Variants in NAV2 observed in about 807,000 individuals in gnomAD.
The protein encoded by NAV2 is helicase, APC down-regulated 1.
In NAV2, 54 loss-of-function variants were observed where a neutral mutation model predicts 223.2. That is an observed-to-expected ratio of 0.24 (90% CI 0.19 to 0.30). NAV2 has a LOEUF of 0.30. Among genes scored for constraint, NAV2 ranks in the 10% least tolerant of loss-of-function variants. The pLI is 1.00. For missense variants in NAV2, 2,806 were observed against 3,147.5 expected (o/e 0.89, Z 2.60); for synonymous variants, 1,279 against 1,239.3 (o/e 1.03, Z -0.67).
intron 1 of NAV2, among the ~76,000 whole-genome samples, chr11:19,473,273 G>T (rs982348361): frequency 6.6e-6 from 1 of 152,002 alleles, no homozygotes; most frequent in Admixed American, 6.6e-5. Context: ...CTTGAAGATA[G>T]GTCAGACATA....
In NAV2 at chr11:20,048,758, G is replaced by A; in HGVS notation, c.3933G>A (p.Val1311=). The change falls in exon 15 of 38, where the codon GTG becomes GTA. Residue 1311 remains valine (V), a synonymous_variant. Transcript: ENST00000349880. The part of the protein sequence containing the change: ...RLFGGKPTKQ[V]PIATAENMKN... ...TTGGTGGGAAGCCTACCAAGCAAGT[G>A]CCCATCGCCACAGCTGAAAACATGA... 1 of 1,614,068 alleles carries A rather than the reference G, an allele frequency of 6.2e-7. No homozygotes were observed.
intron 12 of NAV2, among the ~76,000 whole-genome samples, chr11:20,037,871 T>A (rs1396966319): frequency 6.6e-6 from 1 of 151,974 alleles, no homozygotes; most frequent in Non-Finnish European, 1.5e-5. Context: ...TCATTGTATA[T>A]TCAAGATAAG....
At chr11:19,833,402 G>C (rs1489044945) in intron 2 of NAV2, among the ~76,000 whole-genome samples, 61 of 152,222 alleles carry the variant, frequency 4.0e-4, no homozygotes, top group Admixed American at 4.0e-3. Context: ...TTCATAGTTG[G>C]AGCTCTGCTC....
chr11:19,838,306 A>G (rs763360074), intron 2 of NAV2, among the ~76,000 whole-genome samples: 1 of 152,132 alleles, frequency 6.6e-6, no homozygotes. Flanking sequence ...GACCCGACCT[A>G]TGATGGAGTG....
chr11:19,392,025 C>T (rs1227564171), intron 1 of NAV2, among the ~76,000 whole-genome samples: 1 of 152,116 alleles, frequency 6.6e-6, no homozygotes. Context: ...CATTAAACTC[C>T]TGACTAGAAG....
intron 1 of NAV2, among the ~76,000 whole-genome samples, chr11:19,797,577 C>A (rs1176878416): frequency 6.6e-6 from 1 of 152,014 alleles, no homozygotes; most frequent in Non-Finnish European, 1.5e-5. Context: ...ACCTTCTGAC[C>A]AGAGATACTC....
At chr11:19,881,439 G>A (rs1281188105) in intron 5 of NAV2, among the ~76,000 whole-genome samples, 10 of 152,106 alleles carry the variant, frequency 6.6e-5, no homozygotes, top group South Asian at 2.1e-4. Context: ...TGATCAGGGT[G>A]TCATTTCCCA....
intron 1 of NAV2, among the ~76,000 whole-genome samples, chr11:19,496,331 C>T (rs1415897225): frequency 3.9e-5 from 6 of 152,182 alleles, no homozygotes; most frequent in Admixed American, 1.3e-4. Context: ...AGCTTAGCTG[C>T]GTGGTTCCAG....
chr11:20,103,349 A>G lies in NAV2; in HGVS notation c.6512A>G (p.His2171Arg). The change falls in exon 33 of 38, where the codon CAC (histidine) becomes CGC (arginine). Residue 2171 changes from histidine to arginine, a missense_variant. His to Arg is a conservative substitution (Grantham distance 29). Transcript: ENST00000349880. ...MPLVIILDNL[H>R]HVSSLGEIFN... Reference sequence around the variant, plus strand: ...CTCGTCATCATCCTGGACAACCTACACCACGTGAGCTCTCTGGGAGAGATC... The same window carrying G: ...CTCGTCATCATCCTGGACAACCTACGCCACGTGAGCTCTCTGGGAGAGATC... 1 of 1,614,070 alleles carries G rather than the reference A, an allele frequency of 6.2e-7. No individual in the cohort carries two copies. The highest frequency in any genetic ancestry group is 1.1e-5 in the South Asian group (1 of 91,074).
intron 1 of NAV2, among the ~76,000 whole-genome samples, chr11:19,811,129 G>C (rs139753185): frequency 6.6e-6 from 1 of 152,232 alleles, no homozygotes; most frequent in Non-Finnish European, 1.5e-5. Context: ...CTAAACGGCT[G>C]TCTAGTTGCT....
At chr11:19,394,727 T>G in intron 1 of NAV2, among the ~76,000 whole-genome samples, 1 of 151,804 alleles carries the variant, frequency 6.6e-6, no homozygotes, top group South Asian at 2.1e-4. Context: ...GAGAGAAGAG[T>G]ATCTCAGGCA....
At chr11:19,793,030 G>A (rs1284749778) in intron 1 of NAV2, among the ~76,000 whole-genome samples, 9 of 151,766 alleles carry the variant, frequency 5.9e-5, no homozygotes, top group East Asian at 1.9e-4. Context: ...CCAACATGGC[G>A]AAACCCTGTC....
At chr11:19,492,333 A>T (rs2200569) in intron 1 of NAV2, among the ~76,000 whole-genome samples, 72,335 of 151,866 alleles carry the variant, frequency 0.48, 17,921 homozygotes, top group Admixed American at 0.55. Flanking sequence ...ACCCACAATG[A>T]AACAAGGTAT....
chr11:19,777,934 T>C (rs183007417), intron 1 of NAV2: 2 of 455,904 alleles, frequency 4.4e-6, no homozygotes, highest in East Asian at 1.4e-4. Flanking sequence ...ACATGGCTAT[T>C]GATCTCTACT....
intron 1 of NAV2, among the ~76,000 whole-genome samples, chr11:19,681,319 G>A (rs10741791): frequency 0.42 from 64,106 of 152,030 alleles, 16,272 homozygotes; most frequent in East Asian, 0.62. Flanking sequence ...TAATTTCACC[G>A]CAGTTATAAA....
chr11:19,361,336 T>C (rs910941982), intron 1 of NAV2, among the ~76,000 whole-genome samples: 1 of 152,032 alleles, frequency 6.6e-6, no homozygotes, highest in African/African-American at 2.4e-5. Context: ...CACTTTACAG[T>C]GGACTTGGGT....
At chr11:19,745,978 C>G (rs2053301371) in intron 1 of NAV2, among the ~76,000 whole-genome samples, 1 of 152,216 alleles carries the variant, frequency 6.6e-6, no homozygotes, top group Admixed American at 6.5e-5. Context: ...CTAACAACTG[C>G]AGAATCCTGC....
At position 19,691,940 on chromosome 11, in the gene NAV2, G is replaced by A. The variant is rs1590098245; in HGVS notation, c.76-140544G>A. On this transcript the variant is annotated intron_variant, in intron 1 of 37. Transcript: ENST00000360655. Reference sequence around the variant, plus strand: ...TGTTCTGCCTTCAATTAGGAGACAGGAGCTGACAACACTTTCCACATGGCT... The same window carrying A: ...TGTTCTGCCTTCAATTAGGAGACAGAAGCTGACAACACTTTCCACATGGCT... 3.3e-5 allele frequency among the ~76,000 whole-genome samples: 5 copies of A among 152,310 alleles called. No individual in the cohort carries two copies. The South Asian group carries it at 1.0e-3, about 32-fold the overall frequency.
chr11:19,754,232 A>G (rs1486531539), intron 1 of NAV2, among the ~76,000 whole-genome samples: 2 of 151,544 alleles, frequency 1.3e-5, no homozygotes, highest in Non-Finnish European at 2.9e-5. Flanking sequence ...CTTTTTTCTG[A>G]GTTGATATTC....
Sources: gnomAD v4.1 joint callset for allele counts (sites outside exome capture counted in the v4.1 genomes callset) on GRCh38, gnomAD v4.1.1 for gene constraint, MANE v1.5 for transcripts, NCBI Gene and HGNC (gene_info 2026-07-23, HGNC 2026-07-21) for gene names.